Variants in PDE8B observed in about 807,000 individuals in gnomAD.
PDE8B encodes the protein high affinity cAMP-specific and IBMX-insensitive 3',5'-cyclic phosphodiesterase 8B.
A neutral mutation model predicts 101.3 loss-of-function variants in PDE8B; 26 were observed. The observed-to-expected ratio is 0.26, with a 90% CI of 0.19 to 0.36. PDE8B has a LOEUF of 0.36. PDE8B is among the 10% of genes least tolerant of loss of function. The pLI, the probability that PDE8B is intolerant of heterozygous loss-of-function variation, is 1.00. For synonymous variants in PDE8B, 424 were observed against 429.3 expected (o/e 0.99, Z 0.15); for missense variants, 810 against 1,163.1 (o/e 0.70, Z 4.42).
intron 1 of PDE8B, among the ~76,000 whole-genome samples, chr5:77,261,166 G>A (rs1413567358): frequency 1.3e-5 from 2 of 152,168 alleles, no homozygotes; most frequent in African/African-American, 2.4e-5. Flanking sequence ...AAAAATGCCA[G>A]AAGCCATTCT....
intron 19 of PDE8B, among the ~76,000 whole-genome samples, chr5:77,420,205 C>T (rs1796348463): frequency 6.6e-6 from 1 of 152,124 alleles, no homozygotes; most frequent in African/African-American, 2.4e-5. Flanking sequence ...AATCCAAAGC[C>T]TTTACTTCTC....
the PDE8B span, among the ~76,000 whole-genome samples, chr5:77,132,530 A>G: frequency 6.6e-6 from 1 of 152,092 alleles, no homozygotes. Flanking sequence ...TTAGTTTTCC[A>G]TTTTACCTAT....
At chr5:77,218,403 C>G (rs888622513) in intron 1 of PDE8B, among the ~76,000 whole-genome samples, 6 of 152,130 alleles carry the variant, frequency 3.9e-5, no homozygotes, top group Admixed American at 2.6e-4. Context: ...ATAAATTTCC[C>G]AAGGCGAGGA....
intron 1 of PDE8B, among the ~76,000 whole-genome samples, chr5:77,261,655 G>A (rs1325473967): frequency 6.6e-6 from 1 of 152,164 alleles, no homozygotes; most frequent in African/African-American, 2.4e-5. Flanking sequence ...CTAGATTGCC[G>A]GCCAGAGGGC....
At chr5:77,221,506 G>A (rs1351995889) in intron 1 of PDE8B, among the ~76,000 whole-genome samples, 1 of 152,166 alleles carries the variant, frequency 6.6e-6, no homozygotes, top group African/African-American at 2.4e-5. Flanking sequence ...CAGAAAATCG[G>A]AGTATGCGAA....
At position 77,419,747 on chromosome 5, in the gene PDE8B, T is replaced by C. The variant is rs371723160; in HGVS notation, c.2130-20T>C. 3.1e-6 allele frequency: 5 copies of C among 1,613,326 alleles called. No individual in the cohort carries two copies. Among genetic ancestry groups the C allele is most frequent in the Non-Finnish European group, 4.2e-6 (5 of 1,179,430 alleles). ...TGAGACACGCTGTGAACAAGCCCCT[T>C]TGTCTTGTGGTTATTTTAGGAACCA... is the stretch of plus-strand genomic sequence containing the variant. On this transcript the variant is annotated intron_variant, in intron 18 of 21. Coordinates refer to ENST00000264917, the MANE Select transcript of PDE8B (RefSeq NM_003719.5).
At chr5:77,139,124 A>C in the PDE8B span, 1 of 152,242 alleles carries the variant, frequency 6.6e-6, no homozygotes, top group Non-Finnish European at 1.5e-5. Flanking sequence ...CAGCACATTA[A>C]GTTAGAACAC....
rs114122933 is a variant in PDE8B at position 77,401,414 on chromosome 5, A to G, written c.1210+1124A>G. Among the ~76,000 whole-genome samples, 1,242 of 152,334 alleles carry G rather than the reference A, an allele frequency of 8.2e-3. 14 individuals carry two copies. Among genetic ancestry groups the G allele is most frequent in the African/African-American group, 0.029 (1,192 of 41,574 alleles). On this transcript the variant is annotated intron_variant, in intron 11 of 21. Coordinates refer to ENST00000264917, the MANE Select transcript of PDE8B (RefSeq NM_003719.5). The stretch of plus-strand genomic sequence containing the variant: ...AGTGCCCAGCATTGCCTTGTACATA[A>G]TAGACACTTTGCAAATACTCAGCAA...
At chr5:77,388,457 G>C (rs1289128353) in intron 10 of PDE8B, among the ~76,000 whole-genome samples, 1 of 152,206 alleles carries the variant, frequency 6.6e-6, no homozygotes, top group Non-Finnish European at 1.5e-5. Flanking sequence ...TCAGCCCAAA[G>C]GGGCACCAGC....
the PDE8B span, among the ~76,000 whole-genome samples, chr5:77,107,147 C>A: frequency 6.6e-6 from 1 of 151,992 alleles, no homozygotes; most frequent in South Asian, 2.1e-4. Flanking sequence ...TAAGAACATG[C>A]AGTGTTTGGT....
the PDE8B span, chr5:77,139,187 A>G: frequency 1.3e-5 from 2 of 152,276 alleles, no homozygotes. Context: ...ATGGTTGCTA[A>G]GCGAAACAGA....
the PDE8B span, among the ~76,000 whole-genome samples, chr5:77,199,492 T>C: frequency 6.6e-6 from 1 of 152,230 alleles, no homozygotes; most frequent in Non-Finnish European, 1.5e-5. Flanking sequence ...TCTTTTCTTT[T>C]AAAGTTGATG....
chr5:77,206,048 T>G (rs1308893140), upstream of PDE8B, among the ~76,000 whole-genome samples: 1 of 151,194 alleles, frequency 6.6e-6, no homozygotes, highest in Non-Finnish European at 1.5e-5. Context: ...CTTTAAAAAC[T>G]AAAAACACAG....
At position 77,282,743 on chromosome 5, in the gene PDE8B, G is replaced by A. The variant is rs925958419; in HGVS notation, c.340-29251G>A. Among the ~76,000 whole-genome samples the A allele has an allele frequency of 5.9e-5, 9 of 152,168 alleles. No individual in the cohort carries two copies. The South Asian group carries it at 8.3e-4, about 14-fold the overall frequency. ...GCCCTGGTGGAGCAATGTCCGGCAC[G>A]CTCAGGAAAGTGTGAAATCTAGAAC... On this transcript the variant is annotated intron_variant, in intron 1 of 21. Coordinates refer to ENST00000264917, the MANE Select transcript of PDE8B (RefSeq NM_003719.5).
intron 12 of PDE8B, among the ~76,000 whole-genome samples, 198 bp downstream of exon 12, chr5:77,404,995 G>A (rs187630425): frequency 1.6e-4 from 24 of 151,702 alleles, no homozygotes; most frequent in African/African-American, 5.1e-4. Flanking sequence ...AGTCTTTGTC[G>A]TCTCTTTGGA....
intron 1 of PDE8B, among the ~76,000 whole-genome samples, chr5:77,303,381 A>C (rs1453318433): frequency 6.6e-6 from 1 of 152,164 alleles, no homozygotes; most frequent in African/African-American, 2.4e-5. Flanking sequence ...CTCTACTAAA[A>C]TACAAAAAAT....
the PDE8B span, among the ~76,000 whole-genome samples, chr5:77,159,113 TA>T: frequency 5.7e-4 from 87 of 152,102 alleles, no homozygotes; most frequent in Non-Finnish European, 1.1e-3. Flanking sequence ...CCCTCTACCA[TA>T]GGGGCAAGGA....
At chr5:77,391,704 G>A (rs1789975660) in intron 10 of PDE8B, among the ~76,000 whole-genome samples, 1 of 152,230 alleles carries the variant, frequency 6.6e-6, no homozygotes, top group Non-Finnish European at 1.5e-5. Context: ...TGACATCGCA[G>A]GAGCTCCACG....
chr5:77,126,527 G>A, the PDE8B span, among the ~76,000 whole-genome samples: 1 of 152,156 alleles, frequency 6.6e-6, no homozygotes, highest in Admixed American at 6.5e-5. Context: ...CTGGGCTCAG[G>A]TGATTCTCCC....
Sources: gnomAD v4.1 joint callset for allele counts (sites outside exome capture counted in the v4.1 genomes callset) on GRCh38, gnomAD v4.1.1 for gene constraint, MANE v1.5 for transcripts, NCBI Gene and HGNC (gene_info 2026-07-23, HGNC 2026-07-21) for gene names.